Variants in KMT2C observed in about 807,000 individuals in gnomAD.
KMT2C encodes lysine methyltransferase 2C.
KMT2C carries 88 observed loss-of-function variants against 507.9 expected under a neutral mutation model. The observed-to-expected ratio is 0.17, with a 90% CI of 0.15 to 0.21. The LOEUF is 0.21. Ranked by LOEUF, KMT2C falls within the 10% of genes least tolerant of loss-of-function variation. The probability of loss-of-function intolerance (pLI) is 1.00; values close to 1 mark genes in which losing one functional copy is unlikely to be tolerated. For missense variants in KMT2C, 4,954 were observed against 5,957.8 expected (o/e 0.83, Z 5.55); for synonymous variants, 2,049 against 2,080.8 (o/e 0.98, Z 0.42).
chr7:152,358,349 C>A (rs1339036233), intron 2 of KMT2C, among the ~76,000 whole-genome samples: 1 of 152,060 alleles, frequency 6.6e-6, no homozygotes, highest in African/African-American at 2.4e-5. Flanking sequence ...CTTGATAAAA[C>A]ATTTATCTTC....
At chr7:152,347,677 T>C (rs2097072880) in intron 2 of KMT2C, among the ~76,000 whole-genome samples, 1 of 152,248 alleles carries the variant, frequency 6.6e-6, no homozygotes. Flanking sequence ...ATACAGTCTT[T>C]AAGTGTGTGC....
At chr7:152,145,098 C>G in intron 54 of KMT2C, 55 bp downstream of exon 54, 1 of 1,579,096 alleles carries the variant, frequency 6.3e-7, no homozygotes, top group Non-Finnish European at 8.6e-7. Flanking sequence ...GCACAGGAAA[C>G]CACTAATACG....
chr7:152,371,593 AT>A (rs34576588), intron 1 of KMT2C, among the ~76,000 whole-genome samples: 14 of 150,200 alleles, frequency 9.3e-5, no homozygotes, highest in African/African-American at 2.2e-4. Flanking sequence ...TGGCTGAGTG[AT>A]TTTTTTTTTA....
chr7:152,427,589 T>C (rs1589981364), intron 1 of KMT2C, among the ~76,000 whole-genome samples: 2 of 152,342 alleles, frequency 1.3e-5, no homozygotes, highest in East Asian at 1.9e-4. Context: ...CTACTAATAC[T>C]GCTGCCATGA....
intron 1 of KMT2C, among the ~76,000 whole-genome samples, chr7:152,380,988 T>C (rs924056192): frequency 1.3e-5 from 2 of 152,262 alleles, no homozygotes; most frequent in African/African-American, 2.4e-5. Context: ...CAGCAAAAAG[T>C]ATTAGAATCA....
intron 29 of KMT2C, 50 bp downstream of exon 29, chr7:152,194,390 A>G (rs767788329): frequency 1.3e-6 from 2 of 1,559,494 alleles, no homozygotes; most frequent in African/African-American, 1.4e-5. Context: ...TTTAAAAATC[A>G]TATTTACTCA....
At chr7:152,266,321 T>A (rs1474163591) in intron 7 of KMT2C, among the ~76,000 whole-genome samples, 1 of 152,112 alleles carries the variant, frequency 6.6e-6, no homozygotes, top group Non-Finnish European at 1.5e-5. Flanking sequence ...CTCGGCTTAC[T>A]GTAACCTCCG....
In KMT2C at chr7:152,187,331, C is replaced by T. The variant is rs1405466580; in HGVS notation, c.4939G>A (p.Glu1647Lys). 8 of 1,614,028 alleles carry T rather than the reference C, an allele frequency of 5.0e-6. No individual in the cohort carries two copies. The highest frequency in any genetic ancestry group is 6.8e-6 in the Non-Finnish European group (8 of 1,179,986). The change falls in exon 33 of 59, where the codon GAA becomes AAA. Residue 1647 changes from glutamate (E) to lysine (K), a missense_variant. This residue lies in a region of KMT2C where 195 missense variants were observed against 183.7 expected (regional missense o/e 1.06). Transcript: ENST00000262189. ...LKWEKEEALG[E>K]MATVAPVLYT... is the part of the protein sequence containing the mutation. Reference sequence around the variant, plus strand: ...AGAACTGGGGCAACAGTTGCCATTTCACCCAGAGCCTCCTCTTTCTCCCAC... The same window carrying T: ...AGAACTGGGGCAACAGTTGCCATTTTACCCAGAGCCTCCTCTTTCTCCCAC...
intron 6 of KMT2C, among the ~76,000 whole-genome samples, chr7:152,296,455 G>A (rs2096497513): frequency 6.6e-6 from 1 of 151,448 alleles, no homozygotes; most frequent in South Asian, 2.1e-4. Context: ...AAGAGAGAGA[G>A]AGAGAGAGAG....
At chr7:152,321,693 C>T (rs1226177267) in intron 3 of KMT2C, among the ~76,000 whole-genome samples, 3 of 151,814 alleles carry the variant, frequency 2.0e-5, no homozygotes, top group African/African-American at 7.2e-5. Flanking sequence ...AAATTAAATA[C>T]TTAGGTGTAA....
chr7:152,208,918 C>A (rs1199618007), intron 23 of KMT2C, among the ~76,000 whole-genome samples: 5 of 151,932 alleles, frequency 3.3e-5, no homozygotes, highest in Non-Finnish European at 7.4e-5. Context: ...ATAATCCCAG[C>A]ACTTTGGGAG....
At chr7:152,169,045 T>C (rs1563225574) in intron 41 of KMT2C, 141 bp downstream of exon 41, 2 of 535,088 alleles carry the variant, frequency 3.7e-6, no homozygotes, top group Non-Finnish European at 6.7e-6. Context: ...AGTTGCCTAA[T>C]AGGGCAGTGA....
rs73730361 is a variant in KMT2C at position 152,154,091 on chromosome 7, C to T, written c.12195G>A (p.Ala4065=). The T allele has an allele frequency of 2.2e-3, 3,505 of 1,613,866 alleles. 69 individuals carry two copies. In the African/African-American group the frequency reaches 0.041, roughly 19 times the overall value. ...IKTEPGTLYF[A]SPFGPSPNGP... ...CATTTGGGGAAGGACCAAAAGGTGA[C>T]GCAAAATATAAAGTGCCTGGCTCAG... Residue 4065 remains alanine (A), a synonymous_variant, in exon 48 of 59, where the codon GCG becomes GCA. Transcript: ENST00000262189.
chr7:152,183,659 G>A (rs2093510329), intron 34 of KMT2C, among the ~76,000 whole-genome samples: 1 of 152,152 alleles, frequency 6.6e-6, no homozygotes, highest in Admixed American at 6.6e-5. Context: ...TACTTTGGGA[G>A]GCTGAGGCGG....
At chr7:152,187,648 C>G in intron 32 of KMT2C, 67 bp downstream of exon 32, 1 of 1,541,056 alleles carries the variant, frequency 6.5e-7, no homozygotes, top group African/African-American at 1.4e-5. Flanking sequence ...TTTAAGCAGA[C>G]TAATTTATAT....
At position 152,181,911 on chromosome 7, in the gene KMT2C, G is replaced by T; in HGVS notation, c.5949C>A (p.Gly1983=). The T allele has an allele frequency of 6.2e-7, 1 of 1,614,178 alleles. No homozygotes were observed. Among genetic ancestry groups the T allele is most frequent in the Admixed American group, 1.7e-5 (1 of 60,022 alleles). Residue 1983 remains glycine, a synonymous_variant, in exon 36 of 59, where the codon GGC becomes GGA. Coordinates refer to ENST00000262189, the MANE Select transcript of KMT2C (RefSeq NM_170606.3). ...VMTDQFPKSL[G]LSRSPVVSEQ... ...CTGAAACTACAGGAGACCGGGATAGGCCCAAGGATTTGGGAAATTGATCTG... is the reference window on the plus strand; with the variant it reads ...CTGAAACTACAGGAGACCGGGATAGTCCCAAGGATTTGGGAAATTGATCTG...
At chr7:152,369,332 C>CA (rs1004820717) in intron 1 of KMT2C, among the ~76,000 whole-genome samples, 2 of 147,032 alleles carry the variant, frequency 1.4e-5, no homozygotes, top group African/African-American at 5.0e-5. Flanking sequence ...CAAAAAAAAA[C>CA]AAAAACAAAA....
intron 1 of KMT2C, among the ~76,000 whole-genome samples, chr7:152,387,339 T>C (rs934190066): frequency 7.3e-5 from 11 of 151,724 alleles, no homozygotes; most frequent in African/African-American, 2.7e-4. Context: ...TAGAATATAA[T>C]GAAAAAACTT....
chr7:152,266,970 T>C (rs1175351238), intron 7 of KMT2C, among the ~76,000 whole-genome samples: 1 of 152,134 alleles, frequency 6.6e-6, no homozygotes, highest in Non-Finnish European at 1.5e-5. Context: ...TTGCACTTTG[T>C]AGCATTTGCA....
Sources: gnomAD v4.1 joint callset for allele counts (sites outside exome capture counted in the v4.1 genomes callset) on GRCh38, gnomAD v4.1.1 for gene constraint, gnomAD v4.1.1 regional missense constraint, MANE v1.5 for transcripts, NCBI Gene and HGNC (gene_info 2026-07-23, HGNC 2026-07-21) for gene names.